The following FBXO4 variants were observed in gnomAD, a reference collection of about 807,000 sequenced individuals.
FBXO4 encodes the protein F-box protein 4.
A neutral mutation model predicts 43.7 loss-of-function variants in FBXO4; 36 were observed. The ratio of observed to expected loss-of-function variants is 0.82; its 90% CI spans 0.63 to 1.09. FBXO4 has a LOEUF of 1.09. Among genes scored for constraint, FBXO4 ranks in the 50% least tolerant of loss-of-function variants. The pLI, the probability that FBXO4 is intolerant of heterozygous loss-of-function variation, is 0.00. For missense variants in FBXO4, 435 were observed against 474.1 expected, an observed-to-expected ratio of 0.92 and a Z score of 0.77; for synonymous variants, 180 against 165.6, an observed-to-expected ratio of 1.09 and a Z score of -0.67.
Position 41,941,116 on chromosome 5 carries a change from A to T in FBXO4, c.1075-76A>T, listed in dbSNP as rs1022090347. On this transcript the variant is annotated intron_variant, in intron 6 of 6. Coordinates refer to ENST00000281623, the MANE Select transcript of FBXO4 (RefSeq NM_012176.3). ...AAGTTCTGTTATCTTTTTAGTGTCT[A>T]GAAAAATGTCCCTCCTACTCATAAG... 16 of 1,102,402 alleles carry T rather than the reference A, an allele frequency of 1.5e-5. No individual in the cohort carries two copies. The African/African-American group carries it at 2.5e-4, about 17-fold the overall frequency. The allele number at this position is 1,102,402 out of a possible 1,614,324, so 68.3% of individuals were successfully genotyped here.
At chr5:42,009,375 A>ATGTGTGTGTGTGTGTG in the FBXO4 span, among the ~76,000 whole-genome samples, 1 of 143,588 alleles carries the variant, frequency 7.0e-6, no homozygotes, top group East Asian at 2.1e-4. Flanking sequence ...GTGTGTGTGT[A>ATGTGTGTGTGTGTGTG]TGTGTGTGTG....
chr5:41,978,196 A>T, the FBXO4 span, among the ~76,000 whole-genome samples: 2 of 152,110 alleles, frequency 1.3e-5, no homozygotes, highest in Admixed American at 6.5e-5. Flanking sequence ...ACCTCTTTTG[A>T]ACTATAAGAG....
At chr5:41,931,266 T>A (rs1215337461) in intron 3 of FBXO4, among the ~76,000 whole-genome samples, 1 of 152,218 alleles carries the variant, frequency 6.6e-6, no homozygotes, top group South Asian at 2.1e-4. Flanking sequence ...TTAGTGAAGA[T>A]GAGAGAAGAG....
At chr5:42,034,722 T>C in the FBXO4 span, among the ~76,000 whole-genome samples, 1 of 152,210 alleles carries the variant, frequency 6.6e-6, no homozygotes, top group South Asian at 2.1e-4. Context: ...TATTGGTCTA[T>C]GTATCTATTT....
At chr5:42,029,055 T>C in the FBXO4 span, among the ~76,000 whole-genome samples, 1 of 152,032 alleles carries the variant, frequency 6.6e-6, no homozygotes, top group Non-Finnish European at 1.5e-5. Context: ...TCTTCAGATA[T>C]TTCTTTTTGC....
the FBXO4 span, among the ~76,000 whole-genome samples, chr5:42,023,209 G>A: frequency 6.6e-6 from 1 of 152,016 alleles, no homozygotes; most frequent in African/African-American, 2.4e-5. Context: ...TAATAGAATT[G>A]AGATTCATAG....
chr5:42,024,403 T>A, the FBXO4 span, among the ~76,000 whole-genome samples: 1 of 152,032 alleles, frequency 6.6e-6, no homozygotes. Context: ...TTTTAAAATT[T>A]TATATGTTCT....
chr5:41,950,448 A>G, the FBXO4 span, among the ~76,000 whole-genome samples: 1 of 152,258 alleles, frequency 6.6e-6, no homozygotes, highest in Non-Finnish European at 1.5e-5. Flanking sequence ...TATGCAGCCA[A>G]CAAACATGGA....
chr5:41,947,332 T>G, the FBXO4 span, among the ~76,000 whole-genome samples: 1 of 152,178 alleles, frequency 6.6e-6, no homozygotes, highest in African/African-American at 2.4e-5. Flanking sequence ...AGAGGAAGGA[T>G]TAAAATGAGG....
chr5:42,008,758 T>C, the FBXO4 span, among the ~76,000 whole-genome samples: 2 of 152,312 alleles, frequency 1.3e-5, no homozygotes, highest in Non-Finnish European at 1.5e-5. Context: ...GATTCTTGGA[T>C]TTTTAGTATT....
At position 41,941,603 on chromosome 5, in the gene FBXO4, T is replaced by G. The variant is rs139911287; in HGVS notation, c.*322T>G. On this transcript the variant is annotated 3_prime_UTR_variant, in exon 7 of 7. Coordinates refer to ENST00000281623, the MANE Select transcript of FBXO4 (RefSeq NM_012176.3). ...CCTCTCATTCCCTGAGTTTCTATTC[T>G]TTTGGGTATAAAGATTGCCTTAGTG... is the stretch of plus-strand genomic sequence containing the variant. 1.1e-3 allele frequency: 204 copies of G among 187,070 alleles called. 2 individuals are homozygous for G. In the East Asian group the frequency reaches 0.021, roughly 20 times the overall value. 11.6% of individuals were successfully genotyped at this position (187,070 alleles called of 1,614,324 possible). A position where few individuals can be genotyped will look rare whatever the true frequency, so the allele number is the denominator to read the frequency against.
the FBXO4 span, among the ~76,000 whole-genome samples, chr5:41,973,725 A>C: frequency 2.6e-5 from 4 of 152,188 alleles, no homozygotes; most frequent in Admixed American, 1.3e-4. Flanking sequence ...TTGATCCAGC[A>C]ATCCCATTAC....
the FBXO4 span, among the ~76,000 whole-genome samples, chr5:41,988,758 T>A: frequency 6.6e-6 from 1 of 152,194 alleles, no homozygotes; most frequent in African/African-American, 2.4e-5. Flanking sequence ...GAGTTGTTGA[T>A]ATTTTGGTTT....
At chr5:41,970,660 G>T in the FBXO4 span, among the ~76,000 whole-genome samples, 1 of 151,802 alleles carries the variant, frequency 6.6e-6, no homozygotes, top group African/African-American at 2.4e-5. Context: ...AAATAACTTA[G>T]TGTAAGAATT....
At chr5:41,953,819 C>A in the FBXO4 span, among the ~76,000 whole-genome samples, 1 of 151,760 alleles carries the variant, frequency 6.6e-6, no homozygotes, top group East Asian at 1.9e-4. Flanking sequence ...CTGTTCATAT[C>A]CTTTGCCCAC....
chr5:41,986,308 C>T, the FBXO4 span, among the ~76,000 whole-genome samples: 3 of 151,942 alleles, frequency 2.0e-5, no homozygotes, highest in Non-Finnish European at 4.4e-5. Context: ...AAAAGATTTA[C>T]CATCTTTTTG....
At chr5:42,007,662 G>A in the FBXO4 span, among the ~76,000 whole-genome samples, 1 of 152,054 alleles carries the variant, frequency 6.6e-6, no homozygotes, top group African/African-American at 2.4e-5. Flanking sequence ...TTCACCTAGA[G>A]CTAATAAACG....
At chr5:41,979,033 T>C in the FBXO4 span, among the ~76,000 whole-genome samples, 9 of 152,240 alleles carry the variant, frequency 5.9e-5, no homozygotes, top group African/African-American at 2.2e-4. Context: ...GTAGACTGTG[T>C]AGTCTTTTTA....
the FBXO4 span, among the ~76,000 whole-genome samples, chr5:42,034,891 T>C: frequency 6.6e-6 from 1 of 152,178 alleles, no homozygotes; most frequent in African/African-American, 2.4e-5. Flanking sequence ...TTTTTTCTAA[T>C]GCTGTGAAGA....
Sources: allele counts gnomAD v4.1 joint callset (sites outside exome capture counted in the v4.1 genomes callset), GRCh38; gene constraint gnomAD v4.1.1; transcripts MANE v1.5; gene names NCBI Gene and HGNC (gene_info 2026-07-23, HGNC 2026-07-21).